The following ZRANB1 variants were observed in gnomAD, a reference collection of about 807,000 sequenced individuals.
ZRANB1 encodes zinc finger RANBP2-type containing 1.
Under a neutral mutation model 80.5 loss-of-function variants are expected in ZRANB1, and 16 were observed. The observed-to-expected ratio is 0.20, with a 90% confidence interval of 0.13 to 0.30. The LOEUF is 0.30. ZRANB1 is among the 10% of genes least tolerant of loss of function. ZRANB1 has a pLI of 1.00. For synonymous variants in ZRANB1, 291 were observed against 293.1 expected (o/e 0.99, Z 0.07); for missense variants, 576 against 862.6 (o/e 0.67, Z 4.16).
chr10:124,942,751 T>C lies in ZRANB1; in HGVS notation c.258T>C (p.Asn86=). The C allele has an allele frequency of 6.2e-7, 1 of 1,614,128 alleles. No homozygotes were observed. The highest frequency in any genetic ancestry group is 1.7e-5 in the Admixed American group (1 of 60,024). Residue 86 remains asparagine, a synonymous_variant, in exon 1 of 9, where the codon AAT becomes AAC. Transcript: ENST00000359653. ...CTTCGTATAGCATGGAAAATGCAAA[T>C]AAGTGGTCATGCCACATGTGTACAT... ...VKSSYSMENA[N]KWSCHMCTYL... is the part of the protein sequence containing the mutation.
At chr10:124,965,430 T>G (rs905518371) in intron 1 of ZRANB1, among the ~76,000 whole-genome samples, 1 of 152,232 alleles carries the variant, frequency 6.6e-6, no homozygotes. Context: ...TCATATTGCC[T>G]GGCAAGGCGT....
the ZRANB1 span, among the ~76,000 whole-genome samples, chr10:124,923,694 A>AAAGCACCTTCACAAGGCAGGAGAG: frequency 6.6e-6 from 1 of 151,908 alleles, no homozygotes; most frequent in Non-Finnish European, 1.5e-5. Flanking sequence ...GAAGAGAAAA[A>AAAGCACCTTCACAAGGCAGGAGAG]AAGCACCTTC....
chr10:124,942,930 T>G lies in ZRANB1; in HGVS notation c.437T>G (p.Leu146Arg). ...GAGGAATACAATGATAGAAATAAAC[T>G]GAACACTAGGACACAGCACTGGACT... ...PCEEYNDRNK[L>R]NTRTQHWTCS... The change falls in exon 1 of 9, where the codon CTG (leucine) becomes CGG (arginine). Residue 146 changes from leucine to arginine, a missense_variant. By Grantham distance (102) the Leu-to-Arg change is moderately radical. This residue lies in a region of ZRANB1 where 411 missense variants were observed against 583.1 expected (regional missense o/e 0.70). Coordinates refer to ENST00000359653, the MANE Select transcript of ZRANB1 (RefSeq NM_017580.3). 1 of 1,614,206 alleles carries G rather than the reference T, an allele frequency of 6.2e-7. No homozygotes were observed. Among genetic ancestry groups the G allele is most frequent in the Admixed American group, 1.7e-5 (1 of 60,026 alleles).
At position 124,971,025 on chromosome 10, in the gene ZRANB1, T is replaced by C. The variant is rs557271492; in HGVS notation, c.1003-940T>C. Among the ~76,000 whole-genome samples, 4 of 152,186 alleles carry C rather than the reference T, an allele frequency of 2.6e-5. No homozygotes were observed. The South Asian group carries it at 6.2e-4, about 24-fold the overall frequency. Reference sequence around the variant, plus strand: ...TTTTAGTAGAGACAGGGTTTCATCATGTTGGCCAGGCTGGTCTCAAACTGC... The same window carrying C: ...TTTTAGTAGAGACAGGGTTTCATCACGTTGGCCAGGCTGGTCTCAAACTGC... On this transcript the variant is annotated intron_variant, in intron 2 of 8. Transcript: ENST00000359653.
At chr10:124,978,009 GC>G (rs1481911079) in intron 5 of ZRANB1, among the ~76,000 whole-genome samples, 1 of 152,148 alleles carries the variant, frequency 6.6e-6, no homozygotes, top group African/African-American at 2.4e-5. Flanking sequence ...TACAGTTCAG[GC>G]ATAGGAAGCT....
chr10:124,934,759 A>T, the ZRANB1 span, among the ~76,000 whole-genome samples: 2 of 152,196 alleles, frequency 1.3e-5, no homozygotes, highest in Non-Finnish European at 2.9e-5. Flanking sequence ...TGGAGATACA[A>T]ATTTTTAAAT....
At chr10:124,957,488 A>G (rs560910769) in intron 1 of ZRANB1, among the ~76,000 whole-genome samples, 93 of 152,204 alleles carry the variant, frequency 6.1e-4, no homozygotes, top group African/African-American at 2.0e-3. Context: ...TTGTGTAACC[A>G]TTTCTACCAT....
chr10:124,932,622 T>A, the ZRANB1 span, among the ~76,000 whole-genome samples: 1 of 152,086 alleles, frequency 6.6e-6, no homozygotes, highest in Non-Finnish European at 1.5e-5. Flanking sequence ...TGCTCCACAT[T>A]CTTGATAGCA....
the ZRANB1 span, among the ~76,000 whole-genome samples, chr10:124,920,665 AAG>A: frequency 2.4e-4 from 37 of 152,014 alleles, 1 homozygote; most frequent in African/African-American, 8.5e-4. Context: ...GTTCTGGGCC[AAG>A]AGAGGTCCTG....
the ZRANB1 span, among the ~76,000 whole-genome samples, chr10:124,922,260 A>AATATATAT: frequency 1.9e-4 from 20 of 105,940 alleles, no homozygotes; most frequent in African/African-American, 7.4e-4. Flanking sequence ...ATATATGTAA[A>AATATATAT]ATATATATAT....
chr10:124,966,695 C>A lies in ZRANB1; in HGVS notation c.916C>A (p.Pro306Thr). ...TADEVRLLNR[P>T]SAFDVGYTLV... ...AGATGAAGTACGCTTGCTGAATCGT[C>A]CTTCTGCCTTTGATGTTGGCTATAC... is the stretch of plus-strand genomic sequence containing the variant. Residue 306 changes from proline to threonine, a missense_variant, in exon 2 of 9, where the codon CCT becomes ACT. Physicochemically the swap from Pro to Thr is conservative, Grantham distance 38. Transcript: ENST00000359653. 1 of 1,614,132 alleles carries A rather than the reference C, an allele frequency of 6.2e-7. No individual in the cohort carries two copies. Among genetic ancestry groups the A allele is most frequent in the Non-Finnish European group, 8.5e-7 (1 of 1,180,020 alleles).
At chr10:124,919,815 G>A in the ZRANB1 span, among the ~76,000 whole-genome samples, 2 of 148,160 alleles carry the variant, frequency 1.3e-5, no homozygotes, top group Admixed American at 6.8e-5. Context: ...GTTTCACCGT[G>A]TTAGCCAGGA....
chr10:124,935,894 AG>A, the ZRANB1 span, among the ~76,000 whole-genome samples: 34 of 152,374 alleles, frequency 2.2e-4, no homozygotes, highest in African/African-American at 7.2e-4. Flanking sequence ...TGAGTGACAT[AG>A]GAAAAACATA....
At chr10:124,959,395 G>T (rs1433355261) in intron 1 of ZRANB1, among the ~76,000 whole-genome samples, 1 of 152,026 alleles carries the variant, frequency 6.6e-6, no homozygotes, top group East Asian at 1.9e-4. Context: ...ATTTAACCTG[G>T]TTAAATAGGT....
intron 1 of ZRANB1, among the ~76,000 whole-genome samples, chr10:124,954,640 G>A (rs1951674486): frequency 1.3e-5 from 2 of 149,726 alleles, no homozygotes; most frequent in African/African-American, 4.9e-5. Context: ...TAGAGATGGG[G>A]TTTCACCATG....
chr10:124,981,851 T>C, intron 6 of ZRANB1, 22 bp downstream of exon 6: 2 of 1,612,116 alleles, frequency 1.2e-6, no homozygotes, highest in South Asian at 2.2e-5. Context: ...TCAAGTCTTG[T>C]TGCTTCTATG....
intron 3 of ZRANB1, among the ~76,000 whole-genome samples, chr10:124,973,232 A>G (rs868327723): frequency 1.7e-4 from 26 of 152,132 alleles, no homozygotes; most frequent in African/African-American, 5.6e-4. Context: ...GGCTCATTGC[A>G]GCCTTGGCCT....
chr10:124,921,167 G>C, the ZRANB1 span, among the ~76,000 whole-genome samples: 1 of 152,146 alleles, frequency 6.6e-6, no homozygotes, highest in Non-Finnish European at 1.5e-5. Context: ...GTTTACTTCA[G>C]ATTTGTGTCT....
chr10:124,917,174 T>TCGCCGCTGC, the ZRANB1 span: 15 of 165,936 alleles, frequency 9.0e-5, 1 homozygote, highest in South Asian at 5.4e-4. Context: ...GCGCGGGGAG[T>TCGCCGCTGC]CGCCGCTGCC....
Sources: allele counts gnomAD v4.1 joint callset (sites outside exome capture counted in the v4.1 genomes callset), GRCh38; gene constraint gnomAD v4.1.1; regional missense constraint gnomAD v4.1.1; transcripts MANE v1.5; gene names NCBI Gene and HGNC (gene_info 2026-07-23, HGNC 2026-07-21).